Variants in PPP1R12A observed in about 807,000 individuals in gnomAD.
PPP1R12A encodes the protein protein phosphatase 1 regulatory subunit 12A.
PPP1R12A carries 19 observed loss-of-function variants against 139.6 expected under a neutral mutation model. The observed-to-expected ratio is 0.14, with a 90% CI of 0.09 to 0.20. PPP1R12A has a LOEUF of 0.20. PPP1R12A is among the 10% of genes least tolerant of loss of function. The pLI is 1.00. For missense variants in PPP1R12A, 925 were observed against 1,211.5 expected (o/e 0.76, Z 3.51); for synonymous variants, 427 against 420.6 (o/e 1.02, Z -0.19).
At chr12:79,886,861 A>G (rs1015258609) in intron 1 of PPP1R12A, among the ~76,000 whole-genome samples, 5 of 152,194 alleles carry the variant, frequency 3.3e-5, no homozygotes. Flanking sequence ...TTCTTGTTAC[A>G]TAGCTCTGTT....
At chr12:79,887,387 A>C (rs1165819574) in intron 1 of PPP1R12A, among the ~76,000 whole-genome samples, 1 of 152,116 alleles carries the variant, frequency 6.6e-6, no homozygotes, top group African/African-American at 2.4e-5. Flanking sequence ...TATTTCAATA[A>C]ATTTTTGTTG....
intron 1 of PPP1R12A, among the ~76,000 whole-genome samples, chr12:79,873,168 TG>T (rs1565790610): frequency 6.6e-6 from 1 of 152,170 alleles, no homozygotes; most frequent in Non-Finnish European, 1.5e-5. Context: ...AGACTCTTTA[TG>T]GCAACCCAAT....
intron 12 of PPP1R12A, 51 bp from the exon 13 acceptor site, chr12:79,806,384 T>G: frequency 1.3e-6 from 2 of 1,512,436 alleles, no homozygotes; most frequent in Non-Finnish European, 1.8e-6. Flanking sequence ...GTGTATTCTA[T>G]AGTTAATGTC....
At chr12:79,815,409 T>C (rs979503672) in intron 9 of PPP1R12A, among the ~76,000 whole-genome samples, 1 of 151,962 alleles carries the variant, frequency 6.6e-6, no homozygotes, top group African/African-American at 2.4e-5. Flanking sequence ...TGATCCCTGT[T>C]ACTCAGTAGG....
intron 1 of PPP1R12A, among the ~76,000 whole-genome samples, chr12:79,911,334 G>A (rs1443324386): frequency 6.6e-6 from 1 of 151,972 alleles, no homozygotes; most frequent in Non-Finnish European, 1.5e-5. Flanking sequence ...TATCCTAAGC[G>A]AACTAACACA....
intron 2 of PPP1R12A, among the ~76,000 whole-genome samples, chr12:79,871,201 C>T (rs919911780): frequency 6.6e-6 from 1 of 152,106 alleles, no homozygotes; most frequent in African/African-American, 2.4e-5. Context: ...ATATTTTATC[C>T]TGTATAACAA....
At chr12:79,805,522 T>C in intron 14 of PPP1R12A, 70 bp downstream of exon 14, 2 of 1,462,782 alleles carry the variant, frequency 1.4e-6, no homozygotes, top group Non-Finnish European at 1.9e-6. Context: ...ACAAGATCTT[T>C]TTTAAAACAA....
At chr12:79,851,223 T>C (rs543909007) in intron 2 of PPP1R12A, among the ~76,000 whole-genome samples, 1 of 152,294 alleles carries the variant, frequency 6.6e-6, no homozygotes, top group South Asian at 2.1e-4. Flanking sequence ...AGCAGAACAT[T>C]ACACTATTCA....
chr12:79,920,160 A>G (rs1328064117), intron 1 of PPP1R12A, among the ~76,000 whole-genome samples: 2 of 152,378 alleles, frequency 1.3e-5, no homozygotes, highest in Admixed American at 1.3e-4. Context: ...TCTTTCACTT[A>G]GCATGTTTAA....
rs1389734870 is a variant in PPP1R12A at position 79,788,682 on chromosome 12, C to G, written c.2768G>C (p.Arg923Thr). ...YLEERKPYSS[R>T]LEKDDSTDFK... The stretch of plus-strand genomic sequence containing the variant: ...GTCAGTTGAGTCATCCTTTTCTAGC[C>G]TGCTGCTGTAAGGTTTTCTTTCTTC... The change falls in exon 21 of 25, where the codon AGG (arginine) becomes ACG (threonine). Residue 923 changes from arginine (R) to threonine (T), a missense_variant. Physicochemically the swap from Arg to Thr is moderately conservative, Grantham distance 71 (BLOSUM62 -1). This residue lies in a region of PPP1R12A where 315 missense variants were observed against 363.4 expected (regional missense o/e 0.87). Transcript: ENST00000450142. 6.2e-7 allele frequency: 1 copy of G among 1,612,928 alleles called. No individual in the cohort carries two copies. The highest frequency in any genetic ancestry group is 1.1e-5 in the South Asian group (1 of 90,860).
chr12:79,805,811 A>G, intron 13 of PPP1R12A, 43 bp from the exon 14 acceptor site: 1 of 1,549,120 alleles, frequency 6.5e-7, no homozygotes. Context: ...GAAAAGGAAA[A>G]CAGCTAAACA....
intron 1 of PPP1R12A, among the ~76,000 whole-genome samples, chr12:79,880,212 A>T (rs1200557300): frequency 6.6e-6 from 1 of 152,220 alleles, no homozygotes; most frequent in Non-Finnish European, 1.5e-5. Flanking sequence ...CAGTGGGTAG[A>T]AAGTACTAAA....
chr12:79,901,626 A>G (rs1269745587), intron 1 of PPP1R12A, among the ~76,000 whole-genome samples: 1 of 152,216 alleles, frequency 6.6e-6, no homozygotes, highest in Non-Finnish European at 1.5e-5. Flanking sequence ...TGAAGAAGCA[A>G]GCAAAAGCAA....
intron 1 of PPP1R12A, among the ~76,000 whole-genome samples, chr12:79,900,704 C>T (rs1885556447): frequency 6.6e-6 from 1 of 152,104 alleles, no homozygotes; most frequent in Admixed American, 6.6e-5. Context: ...GGGGTGTATA[C>T]ACAACGAATT....
chr12:79,777,393 A>G (rs999653152), intron 24 of PPP1R12A: 4 of 984,438 alleles, frequency 4.1e-6, no homozygotes, highest in Non-Finnish European at 2.4e-6. Flanking sequence ...GCCATGCATA[A>G]TTAGTTATAT....
At chr12:79,828,165 G>A (rs1877017582) in intron 5 of PPP1R12A, 155 bp downstream of exon 5, 1 of 597,668 alleles carries the variant, frequency 1.7e-6, no homozygotes, top group African/African-American at 1.9e-5. Context: ...CCATTAATTA[G>A]TAAGTCAGTT....
At chr12:79,826,213 T>C (rs1182780297) in intron 5 of PPP1R12A, among the ~76,000 whole-genome samples, 3 of 152,020 alleles carry the variant, frequency 2.0e-5, no homozygotes, top group Admixed American at 2.0e-4. Flanking sequence ...ACTTCTCTGA[T>C]CATGTTCCTG....
rs1199413340 is a variant in PPP1R12A at position 79,934,751 on chromosome 12, G to T, written c.181C>A (p.His61Asn). ...GDTDEVLKLLHRGADINYANV... is the reference protein window; with the variant it reads ...GDTDEVLKLLNRGADINYANV... ...GCGTAATTGATGTCGGCGCCGCGGT[G>T]CAGCAGCTTGAGGACCTCGTCCGTG... The change falls in exon 1 of 25, where the codon CAC (histidine) becomes AAC (asparagine). Residue 61 changes from histidine to asparagine, a missense_variant. Coordinates refer to ENST00000450142, the MANE Select transcript of PPP1R12A (RefSeq NM_002480.3). 6.4e-7 allele frequency: 1 copy of T among 1,551,432 alleles called. No individual in the cohort carries two copies. Among genetic ancestry groups the T allele is most frequent in the Admixed American group, 2.0e-5 (1 of 51,000 alleles).
intron 15 of PPP1R12A, among the ~76,000 whole-genome samples, chr12:79,797,824 T>A (rs1156463770): frequency 6.6e-6 from 1 of 152,072 alleles, no homozygotes; most frequent in Non-Finnish European, 1.5e-5. Flanking sequence ...TTTCAAGAAG[T>A]GAAAAGTATA....
Sources: gnomAD v4.1 joint callset for allele counts (sites outside exome capture counted in the v4.1 genomes callset) on GRCh38, gnomAD v4.1.1 for gene constraint, gnomAD v4.1.1 regional missense constraint, MANE v1.5 for transcripts, NCBI Gene and HGNC (gene_info 2026-07-23, HGNC 2026-07-21) for gene names.